DNM3: variants seen among roughly 807,000 people sequenced by gnomAD.
DNM3 encodes the protein dynamin-3.
DNM3 carries 47 observed loss-of-function variants against 101.6 expected under a neutral mutation model. That is an observed-to-expected ratio of 0.46 (90% CI 0.37 to 0.59). The LOEUF (loss-of-function observed/expected upper bound fraction) is 0.59. Among genes scored for constraint, DNM3 ranks in the 20% least tolerant of loss-of-function variants. DNM3 has a pLI of 0.00. For missense variants in DNM3, 849 were observed against 1,085.7 expected (o/e 0.78, Z 3.06); for synonymous variants, 385 against 387.9 (o/e 0.99, Z 0.09).
At chr1:172,334,638 A>C (rs959161350) in intron 17 of DNM3, among the ~76,000 whole-genome samples, 2 of 152,124 alleles carry the variant, frequency 1.3e-5, no homozygotes, top group African/African-American at 2.4e-5. Context: ...CAGCCTGCAG[A>C]CTCTGGCTAC....
At chr1:172,014,255 C>A (rs2047305835) in intron 4 of DNM3, among the ~76,000 whole-genome samples, 1 of 152,054 alleles carries the variant, frequency 6.6e-6, no homozygotes, top group Non-Finnish European at 1.5e-5. Context: ...GACTGTTATT[C>A]TAAATGAAGT....
At chr1:172,116,909 TAA>T (rs1267694554) in intron 13 of DNM3, among the ~76,000 whole-genome samples, 2 of 152,100 alleles carry the variant, frequency 1.3e-5, no homozygotes, top group African/African-American at 4.8e-5. Context: ...ATCAGTTACT[TAA>T]AAGTCTTCAC....
chr1:171,987,060 A>G (rs985759594), intron 2 of DNM3, among the ~76,000 whole-genome samples: 4 of 152,156 alleles, frequency 2.6e-5, no homozygotes, highest in African/African-American at 7.2e-5. Context: ...ATTTTACATT[A>G]CAGGTAAATA....
At position 172,239,798 on chromosome 1, in the gene DNM3, C is replaced by CTTTTTTTTTTTTTTTTTT. The variant is rs369238528; in HGVS notation, c.1660-13774_1660-13773insTTTTTTTTTTTTTTTTTT. The stretch of plus-strand genomic sequence containing the variant: ...TTTCTCCAGCCCTGTCTTTTTTTTT[C>CTTTTTTTTTTTTTTTTTT]TCTTTTTTTTTTTTTTTTTTTTGTA... On this transcript the variant is annotated intron_variant, in intron 14 of 20. Coordinates refer to ENST00000627582, the MANE Select transcript of DNM3 (RefSeq NM_015569.5). 2.9e-3 allele frequency among the ~76,000 whole-genome samples: 312 copies of CTTTTTTTTTTTTTTTTTT among 106,836 alleles called. 17 individuals are homozygous for CTTTTTTTTTTTTTTTTTT. The highest frequency in any genetic ancestry group is 3.7e-3 in the Non-Finnish European group (212 of 56,536). 70.1% of individuals were successfully genotyped at this position (106,836 alleles called of 152,430 possible).
At chr1:172,325,057 C>T (rs2065885724) in intron 17 of DNM3, among the ~76,000 whole-genome samples, 1 of 152,114 alleles carries the variant, frequency 6.6e-6, no homozygotes, top group South Asian at 2.1e-4. Context: ...CAAGAAGAAA[C>T]CCACTTCTCC....
chr1:172,106,286 T>A (rs12402609), intron 13 of DNM3, among the ~76,000 whole-genome samples: 2 of 152,134 alleles, frequency 1.3e-5, no homozygotes, highest in African/African-American at 4.8e-5. Context: ...CCATATGTGG[T>A]GGCATGCACC....
intron 7 of DNM3, among the ~76,000 whole-genome samples, chr1:172,039,932 T>C (rs2049251559): frequency 6.6e-6 from 1 of 151,990 alleles, no homozygotes; most frequent in South Asian, 2.1e-4. Context: ...CAATTAATTG[T>C]GTTAAAGCTA....
intron 2 of DNM3, among the ~76,000 whole-genome samples, chr1:171,946,652 G>A (rs968009812): frequency 6.6e-6 from 1 of 152,152 alleles, no homozygotes; most frequent in East Asian, 1.9e-4. Flanking sequence ...GCTGAGGCTG[G>A]ATAATATATA....
chr1:171,966,950 C>CA (rs1265356074), intron 2 of DNM3, among the ~76,000 whole-genome samples: 2 of 152,136 alleles, frequency 1.3e-5, no homozygotes, highest in African/African-American at 4.8e-5. Flanking sequence ...GGTTGTAAAT[C>CA]AGAGTTAAGA....
At chr1:171,972,252 C>T (rs1011501811) in intron 2 of DNM3, among the ~76,000 whole-genome samples, 3 of 152,292 alleles carry the variant, frequency 2.0e-5, no homozygotes, top group East Asian at 1.9e-4. Context: ...TATTCTTGAA[C>T]GTGTTACTTA....
At chr1:172,094,938 A>G (rs2054147603) in intron 13 of DNM3, among the ~76,000 whole-genome samples, 1 of 152,226 alleles carries the variant, frequency 6.6e-6, no homozygotes, top group Non-Finnish European at 1.5e-5. Flanking sequence ...ATAGTATAAT[A>G]GCATATATGC....
At chr1:172,003,494 C>G (rs781299045) in intron 4 of DNM3, among the ~76,000 whole-genome samples, 3 of 151,960 alleles carry the variant, frequency 2.0e-5, no homozygotes, top group Admixed American at 6.6e-5. Context: ...TCTGTAAGAA[C>G]TCCATTTTTC....
intron 2 of DNM3, among the ~76,000 whole-genome samples, chr1:171,949,070 T>C (rs1048833649): frequency 1.3e-4 from 20 of 152,182 alleles, no homozygotes; most frequent in African/African-American, 4.8e-4. Context: ...CAGAAATTTA[T>C]CATTTTCATG....
At chr1:172,319,060 A>C (rs1420315663) in intron 16 of DNM3, among the ~76,000 whole-genome samples, 4 of 152,290 alleles carry the variant, frequency 2.6e-5, no homozygotes, top group African/African-American at 9.6e-5. Context: ...ATGGAACAGA[A>C]CAGAGCCCTC....
At chr1:172,414,501 A>G (rs1372571548), downstream of DNM3, among the ~76,000 whole-genome samples, 3 of 152,236 alleles carry the variant, frequency 2.0e-5, no homozygotes, top group Non-Finnish European at 4.4e-5. Context: ...TAATGTCTAC[A>G]TATTTCTCAG....
intron 14 of DNM3, among the ~76,000 whole-genome samples, chr1:172,215,424 G>T (rs896281507): frequency 2.6e-5 from 4 of 152,172 alleles, no homozygotes; most frequent in Non-Finnish European, 1.5e-5. Context: ...GAAATAGAAT[G>T]ATTTTTGAAT....
chr1:172,330,420 A>G (rs1375111334), intron 17 of DNM3, among the ~76,000 whole-genome samples: 1 of 152,128 alleles, frequency 6.6e-6, no homozygotes, highest in Middle Eastern at 3.2e-3. Context: ...TTTACATAGG[A>G]TGAGATATAT....
At chr1:172,046,363 C>G (rs1229296698) in intron 9 of DNM3, among the ~76,000 whole-genome samples, 3 of 152,024 alleles carry the variant, frequency 2.0e-5, no homozygotes. Context: ...AATGAGAACA[C>G]ATGGACACAG....
intron 17 of DNM3, among the ~76,000 whole-genome samples, chr1:172,373,314 C>T (rs1033259403): frequency 6.6e-6 from 1 of 152,074 alleles, no homozygotes; most frequent in East Asian, 1.9e-4. Context: ...GACTTATAAA[C>T]TCATTAATGT....
Sources: gnomAD v4.1 joint callset for allele counts (sites outside exome capture counted in the v4.1 genomes callset) on GRCh38, gnomAD v4.1.1 for gene constraint, MANE v1.5 for transcripts, NCBI Gene and HGNC (gene_info 2026-07-23, HGNC 2026-07-21) for gene names.